The following KLF13 variants were observed in gnomAD, a reference collection of about 807,000 sequenced individuals.
The protein encoded by KLF13 is Krueppel-like factor 13.
KLF13 carries 8 observed loss-of-function variants against 16.7 expected under a neutral mutation model. The observed-to-expected ratio is 0.48, with a 90% CI of 0.28 to 0.87. KLF13 has a LOEUF of 0.87. Ranked by LOEUF, KLF13 falls within the 40% of genes least tolerant of loss-of-function variation. The pLI is 0.10. For missense variants in KLF13, 447 were observed against 452.2 expected (o/e 0.99, Z 0.10); for synonymous variants, 245 against 208.4 (o/e 1.18, Z -1.51).
At chr15:31,425,467 A>AT (rs577837827) in intron 1 of KLF13, among the ~76,000 whole-genome samples, 1 of 152,304 alleles carries the variant, frequency 6.6e-6, no homozygotes, top group South Asian at 2.1e-4. Flanking sequence ...CCAGAAATAA[A>AT]TTTTCACATA....
intron 1 of KLF13, among the ~76,000 whole-genome samples, chr15:31,416,281 A>G (rs1211428641): frequency 6.6e-6 from 1 of 152,180 alleles, no homozygotes; most frequent in Non-Finnish European, 1.5e-5. Flanking sequence ...AGGGGTGGGA[A>G]CACTCTCCAA....
rs2039162821 is a variant in KLF13 at position 31,348,495 on chromosome 15, C to T, written c.577+20706C>T. Among the ~76,000 whole-genome samples, 3 of 152,322 alleles carry T rather than the reference C, an allele frequency of 2.0e-5. No homozygotes were observed. The South Asian group carries it at 6.2e-4, about 32-fold the overall frequency. On this transcript the variant is annotated intron_variant, in intron 1 of 1. Transcript: ENST00000307145. ...CCACAGTTTTACCTCCCAGACAGGA[C>T]TGTTGCTTGGCCTGGTTCTCACTGA... is the stretch of plus-strand genomic sequence containing the variant.
At chr15:31,370,425 C>CTTTTTTTTTTT in intron 1 of KLF13, among the ~76,000 whole-genome samples, 1 of 145,146 alleles carries the variant, frequency 6.9e-6, no homozygotes, top group Admixed American at 6.8e-5. Context: ...GTTGTTTTTG[C>CTTTTTTTTTTT]TTTTTTTTTT....
At chr15:31,404,143 C>T (rs2040080146) in exon 3 of KLF13, 1 of 152,268 alleles carries the variant, frequency 6.6e-6, no homozygotes, top group Admixed American at 6.5e-5. Context: ...GGCAAGTTAC[C>T]AGTGGGCCCG....
intron 1 of KLF13, among the ~76,000 whole-genome samples, chr15:31,343,614 CAAG>C (rs2039065377): frequency 6.6e-6 from 1 of 152,204 alleles, no homozygotes; most frequent in South Asian, 2.1e-4. Flanking sequence ...ACCGCAGGAG[CAAG>C]AACTGGATTT....
At chr15:31,340,839 A>G (rs1246619572) in intron 1 of KLF13, among the ~76,000 whole-genome samples, 2 of 152,220 alleles carry the variant, frequency 1.3e-5, no homozygotes, top group Non-Finnish European at 2.9e-5. Context: ...ACTACACTCA[A>G]ACCTGGGCGA....
intron 1 of KLF13, among the ~76,000 whole-genome samples, chr15:31,428,820 A>AAAAAAAAAG (rs61521558): frequency 0.012 from 854 of 72,692 alleles, 73 homozygotes; most frequent in East Asian, 0.018. Flanking sequence ...AAAAAAAAAA[A>AAAAAAAAAG]AAAAAGAAAA....
chr15:31,434,923 C>T (rs753558349), intron 1 of KLF13, among the ~76,000 whole-genome samples: 6 of 152,224 alleles, frequency 3.9e-5, no homozygotes, highest in Non-Finnish European at 7.3e-5. Context: ...ACTGCAGACA[C>T]AAGTGCTGGC....
intron 1 of KLF13, among the ~76,000 whole-genome samples, chr15:31,333,635 A>G (rs1429096535): frequency 6.6e-6 from 1 of 152,030 alleles, no homozygotes; most frequent in Non-Finnish European, 1.5e-5. Context: ...CTCTCTCTTT[A>G]AATATTATAT....
At position 31,377,381 on chromosome 15, in the gene KLF13, G is replaced by A. The variant is rs909699997; in HGVS notation, c.*5082G>A. ...CTCAGCAGAAAGGAGGCACTACTGA[G>A]CAACTATGCATTGTCATTGTCGGGT... is the stretch of plus-strand genomic sequence containing the variant. On this transcript the variant is annotated 3_prime_UTR_variant, in exon 2 of 2. Coordinates refer to ENST00000307145, the MANE Select transcript of KLF13 (RefSeq NM_015995.4). The A allele has an allele frequency of 6.6e-6, 1 of 152,670 alleles. No individual in the cohort carries two copies. The highest frequency in any genetic ancestry group is 6.5e-5 in the Admixed American group (1 of 15,284). 9.5% of individuals were successfully genotyped at this position (152,670 alleles called of 1,614,324 possible).
chr15:31,347,301 C>T (rs903171849), intron 1 of KLF13, among the ~76,000 whole-genome samples: 7 of 152,170 alleles, frequency 4.6e-5, no homozygotes, highest in African/African-American at 1.2e-4. Context: ...AGGAAGAGGC[C>T]GTCCTTGGTG....
chr15:31,383,795 G>T (rs147193174), intron 1 of KLF13, among the ~76,000 whole-genome samples: 1 of 151,910 alleles, frequency 6.6e-6, no homozygotes, highest in East Asian at 1.9e-4. Context: ...CCAGCTACTC[G>T]GGAGGCTGAG....
chr15:31,350,334 G>A (rs114774489), intron 1 of KLF13, among the ~76,000 whole-genome samples: 44 of 152,354 alleles, frequency 2.9e-4, no homozygotes, highest in African/African-American at 1.0e-3. Context: ...TTGGTCCGTT[G>A]TTCGGAACCT....
intron 1 of KLF13, among the ~76,000 whole-genome samples, chr15:31,353,019 G>A (rs2140949562): frequency 6.6e-6 from 1 of 152,322 alleles, no homozygotes; most frequent in South Asian, 2.1e-4. Flanking sequence ...GCCTTGGAGT[G>A]TGCGGCTTGC....
Position 31,334,217 on chromosome 15 carries a change from A to G in KLF13, c.577+6428A>G, listed in dbSNP as rs533923782. 7.2e-5 allele frequency among the ~76,000 whole-genome samples: 11 copies of G among 152,304 alleles called. 1 individual carries two copies. The South Asian group carries it at 2.1e-3, about 29-fold the overall frequency. ...TTGAATGAAAATGGCTCCAGATGGTATTAATAGCCAGCTCAAGGGTAACTG... is the reference window on the plus strand; with the variant it reads ...TTGAATGAAAATGGCTCCAGATGGTGTTAATAGCCAGCTCAAGGGTAACTG... On this transcript the variant is annotated intron_variant, in intron 1 of 1. Coordinates refer to ENST00000307145, the MANE Select transcript of KLF13 (RefSeq NM_015995.4).
At chr15:31,381,589 T>A (rs927023992), downstream of KLF13, among the ~76,000 whole-genome samples, 1 of 152,142 alleles carries the variant, frequency 6.6e-6, no homozygotes, top group Non-Finnish European at 1.5e-5. Flanking sequence ...TGCACTCCCC[T>A]GAGCTGCAGG....
chr15:31,358,860 G>A (rs1391962856), intron 1 of KLF13, among the ~76,000 whole-genome samples: 1 of 152,202 alleles, frequency 6.6e-6, no homozygotes, highest in Admixed American at 6.5e-5. Flanking sequence ...CCAGAACAAG[G>A]ATGTTAACCG....
At chr15:31,430,318 G>A (rs2040457205) in intron 1 of KLF13, among the ~76,000 whole-genome samples, 1 of 151,894 alleles carries the variant, frequency 6.6e-6, no homozygotes, top group Non-Finnish European at 1.5e-5. Flanking sequence ...TGAGTAAAAG[G>A]GGAAAAAATG....
intron 1 of KLF13, among the ~76,000 whole-genome samples, chr15:31,331,255 C>T (rs1281290819): frequency 1.3e-5 from 2 of 152,212 alleles, no homozygotes; most frequent in Non-Finnish European, 2.9e-5. Flanking sequence ...GTGGCGTGCC[C>T]AGCCTTCCCT....
Sources: gnomAD v4.1 joint callset for allele counts (sites outside exome capture counted in the v4.1 genomes callset) on GRCh38, gnomAD v4.1.1 for gene constraint, MANE v1.5 for transcripts, NCBI Gene and HGNC (gene_info 2026-07-23, HGNC 2026-07-21) for gene names.